The following METAP1D variants were observed in gnomAD, a reference collection of about 807,000 sequenced individuals.
The protein encoded by METAP1D is methionyl aminopeptidase type 1D, mitochondrial, also known as methionine aminopeptidase 1D, mitochondrial.
A neutral mutation model predicts 40.5 loss-of-function variants in METAP1D; 31 were observed. That is an observed-to-expected ratio of 0.77 (90% CI 0.58 to 1.03). The LOEUF (loss-of-function observed/expected upper bound fraction) is 1.03, where lower values mean the gene tolerates loss of function less well. METAP1D is among the 50% of genes least tolerant of loss of function. METAP1D has a pLI of 0.00. For synonymous variants in METAP1D, 151 were observed against 146.4 expected, an observed-to-expected ratio of 1.03 and a Z score of -0.22; for missense variants, 411 against 420.7, an observed-to-expected ratio of 0.98 and a Z score of 0.20.
intron 1 of METAP1D, among the ~76,000 whole-genome samples, chr2:172,045,693 A>ATGTGTGTG (rs1559010007): frequency 2.8e-5 from 2 of 71,952 alleles, no homozygotes; most frequent in African/African-American, 9.7e-5. Context: ...AGGATCATTC[A>ATGTGTGTG]TATATATGTG....
chr2:172,006,937 A>C lies in METAP1D; in HGVS notation c.40+6928A>C, dbSNP rs547242826. Reference sequence around the variant, plus strand: ...TTTTTCTTCTTACGTTGTACATATCAGTTCTAGAATTTGCATTATAATTTC... The same window carrying C: ...TTTTTCTTCTTACGTTGTACATATCCGTTCTAGAATTTGCATTATAATTTC... On this transcript the variant is annotated intron_variant, in intron 1 of 9. Coordinates refer to ENST00000315796, the MANE Select transcript of METAP1D (RefSeq NM_199227.3). 1.1e-4 allele frequency among the ~76,000 whole-genome samples: 17 copies of C among 152,240 alleles called. No individual in the cohort carries two copies. In the East Asian group the frequency reaches 3.1e-3, roughly 28 times the overall value.
intron 1 of METAP1D, among the ~76,000 whole-genome samples, chr2:172,010,478 C>T (rs967125155): frequency 2.8e-4 from 31 of 112,518 alleles, no homozygotes; most frequent in South Asian, 6.7e-4. Context: ...TTTTTTCCTT[C>T]TTTCCTTCTT....
intron 1 of METAP1D, among the ~76,000 whole-genome samples, chr2:172,008,726 C>CT (rs546381420): frequency 3.3e-5 from 5 of 151,430 alleles, no homozygotes; most frequent in Admixed American, 6.6e-5. Flanking sequence ...GTGCTCACCC[C>CT]TTTTTTTTTA....
intron 1 of METAP1D, among the ~76,000 whole-genome samples, chr2:172,036,520 C>T (rs1209213678): frequency 1.3e-5 from 2 of 151,092 alleles, no homozygotes; most frequent in East Asian, 2.0e-4. Flanking sequence ...CGCCTGCCAC[C>T]ACGCCCGGCT....
At chr2:172,059,473 T>C (rs1559015607) in intron 1 of METAP1D, among the ~76,000 whole-genome samples, 1 of 152,216 alleles carries the variant, frequency 6.6e-6, no homozygotes, top group Non-Finnish European at 1.5e-5. Flanking sequence ...GTGGAACATG[T>C]GTTCACAACT....
intron 1 of METAP1D, among the ~76,000 whole-genome samples, chr2:172,007,298 T>C (rs1688610750): frequency 6.6e-6 from 1 of 151,942 alleles, no homozygotes; most frequent in South Asian, 2.1e-4. Context: ...GCCTTCCAAG[T>C]AGCTGGGACT....
At chr2:172,072,908 G>A (rs771125372) in intron 6 of METAP1D, among the ~76,000 whole-genome samples, 6 of 152,110 alleles carry the variant, frequency 3.9e-5, no homozygotes, top group Non-Finnish European at 7.4e-5. Flanking sequence ...AGGAACAGGC[G>A]TGCAGATGAG....
At chr2:172,020,381 A>G (rs921867414) in intron 1 of METAP1D, among the ~76,000 whole-genome samples, 2 of 152,238 alleles carry the variant, frequency 1.3e-5, no homozygotes, top group African/African-American at 4.8e-5. Flanking sequence ...GAGGGCAGGT[A>G]AAGCTTTCGG....
rs1349314734 is a variant in METAP1D at position 172,061,674 on chromosome 2, T to C, written c.198+19T>C. 3.2e-6 allele frequency: 5 copies of C among 1,554,626 alleles called. No individual in the cohort carries two copies. The highest frequency in any genetic ancestry group is 4.3e-6 in the Non-Finnish European group (5 of 1,152,464). On this transcript the variant is annotated intron_variant, in intron 2 of 9. Transcript: ENST00000315796. ...TCCTAAGGTACTGTATTGCCTATTA[T>C]CTCCTGCTTTTTCCAGCCAAGATAA...
intron 1 of METAP1D, among the ~76,000 whole-genome samples, chr2:172,030,098 A>ATTTT (rs963179627): frequency 2.8e-5 from 4 of 144,742 alleles, no homozygotes; most frequent in African/African-American, 7.7e-5. Context: ...TTATTTATTT[A>ATTTT]TTTTTTTTGA....
intron 1 of METAP1D, among the ~76,000 whole-genome samples, chr2:172,022,797 TG>T (rs1399056138): frequency 2.6e-5 from 4 of 152,172 alleles, no homozygotes; most frequent in Non-Finnish European, 2.9e-5. Context: ...ATTTTCTATA[TG>T]AATTGTTTTT....
At chr2:172,055,032 T>A (rs987247895) in intron 1 of METAP1D, among the ~76,000 whole-genome samples, 1 of 152,196 alleles carries the variant, frequency 6.6e-6, no homozygotes, top group Non-Finnish European at 1.5e-5. Context: ...ATAAAGCAAC[T>A]CCTCACTGTT....
At chr2:172,078,920 G>C (rs1690622190) in intron 7 of METAP1D, among the ~76,000 whole-genome samples, 1 of 152,140 alleles carries the variant, frequency 6.6e-6, no homozygotes, top group Admixed American at 6.5e-5. Flanking sequence ...GACAGGGAGA[G>C]GGGGCGAGGA....
chr2:172,079,742 G>T (rs1690653272), intron 8 of METAP1D, among the ~76,000 whole-genome samples: 1 of 152,182 alleles, frequency 6.6e-6, no homozygotes, highest in African/African-American at 2.4e-5. Context: ...GTTATTTGCT[G>T]ATGAATGAAC....
intron 1 of METAP1D, among the ~76,000 whole-genome samples, chr2:172,049,230 A>G (rs1689830937): frequency 6.6e-6 from 1 of 152,080 alleles, no homozygotes; most frequent in Non-Finnish European, 1.5e-5. Context: ...AGCGATTCAC[A>G]GGCCTTAGTC....
intron 4 of METAP1D, 94 bp downstream of exon 4, chr2:172,065,846 A>G: frequency 1.5e-6 from 2 of 1,321,078 alleles, no homozygotes; most frequent in Non-Finnish European, 2.1e-6. Context: ...CATTCAATTG[A>G]AACCCACCGG....
intron 1 of METAP1D, among the ~76,000 whole-genome samples, chr2:172,010,534 C>T (rs1234004768): frequency 7.8e-6 from 1 of 128,948 alleles, no homozygotes; most frequent in Non-Finnish European, 1.6e-5. Context: ...CACTCTGTCA[C>T]GCAAGCTAGA....
chr2:172,010,177 G>T (rs1400476945), intron 1 of METAP1D, among the ~76,000 whole-genome samples: 1 of 141,750 alleles, frequency 7.1e-6, no homozygotes, highest in African/African-American at 2.6e-5. Flanking sequence ...GTCTCACTTT[G>T]TCACCCAGGC....
chr2:172,052,979 T>A (rs1340263455), intron 1 of METAP1D, among the ~76,000 whole-genome samples: 1 of 152,260 alleles, frequency 6.6e-6, no homozygotes, highest in Non-Finnish European at 1.5e-5. Context: ...GCTTCTCTTC[T>A]GCTTTATAGT....
Sources: gnomAD v4.1 joint callset for allele counts (sites outside exome capture counted in the v4.1 genomes callset) on GRCh38, gnomAD v4.1.1 for gene constraint, MANE v1.5 for transcripts, NCBI Gene and HGNC (gene_info 2026-07-23, HGNC 2026-07-21) for gene names.